DPP10: variants seen among roughly 807,000 people sequenced by gnomAD.
The protein encoded by DPP10 is dipeptidyl peptidase like 10.
DPP10 carries 33 observed loss-of-function variants against 120.9 expected under a neutral mutation model. That is an observed-to-expected ratio of 0.27 (90% confidence interval 0.21 to 0.37). The LOEUF (loss-of-function observed/expected upper bound fraction) is 0.37. DPP10 is among the 10% of genes least tolerant of loss of function. The pLI is 1.00. For synonymous variants in DPP10, 337 were observed against 326.1 expected (o/e 1.03, Z -0.36); for missense variants, 816 against 942.8 (o/e 0.87, Z 1.76).
intron 1 of DPP10, among the ~76,000 whole-genome samples, chr2:114,818,090 C>G (rs992703375): frequency 1.3e-5 from 2 of 151,940 alleles, no homozygotes; most frequent in African/African-American, 2.4e-5. Context: ...AAATTCATCA[C>G]CAAGATAACA....
intron 5 of DPP10, chr2:115,579,863 G>A (rs139040430): frequency 6.6e-6 from 1 of 151,956 alleles, no homozygotes; most frequent in Non-Finnish European, 1.5e-5. Context: ...GGAAGTGCAG[G>A]TTCATTACAT....
At chr2:115,558,502 A>G (rs2080359835) in intron 5 of DPP10, among the ~76,000 whole-genome samples, 1 of 152,190 alleles carries the variant, frequency 6.6e-6, no homozygotes, top group African/African-American at 2.4e-5. Context: ...AGGAATTAGG[A>G]TTTAATGAAT....
intron 5 of DPP10, among the ~76,000 whole-genome samples, chr2:115,535,364 T>C (rs1238880500): frequency 6.6e-6 from 1 of 151,814 alleles, no homozygotes. Context: ...ATTTATTAAA[T>C]AGGGAATCCT....
intron 1 of DPP10, among the ~76,000 whole-genome samples, chr2:115,020,525 G>T (rs981347141): frequency 6.6e-5 from 10 of 151,956 alleles, no homozygotes; most frequent in Non-Finnish European, 1.3e-4. Context: ...ATTACTACTA[G>T]ACCTAGGAAA....
chr2:115,817,734 A>G (rs1687408332), intron 21 of DPP10, among the ~76,000 whole-genome samples: 1 of 152,140 alleles, frequency 6.6e-6, no homozygotes, highest in African/African-American at 2.4e-5. Context: ...AGAAATGGAA[A>G]CCCTAGATAT....
intron 1 of DPP10, among the ~76,000 whole-genome samples, chr2:114,481,954 G>A (rs915436863): frequency 6.7e-6 from 1 of 150,030 alleles, no homozygotes; most frequent in Non-Finnish European, 1.5e-5. Flanking sequence ...GAAGAGAGGA[G>A]GAGAGGAGAG....
At chr2:115,813,305 T>C (rs1243225258) in intron 19 of DPP10, among the ~76,000 whole-genome samples, 5 of 152,190 alleles carry the variant, frequency 3.3e-5, no homozygotes, top group Admixed American at 3.3e-4. Context: ...CAAAGATCAA[T>C]GTGCCAGCAG....
chr2:114,445,619 T>TA (rs1457681371), intron 1 of DPP10, among the ~76,000 whole-genome samples: 8 of 150,848 alleles, frequency 5.3e-5, no homozygotes, highest in African/African-American at 2.0e-4. Context: ...ATGAAGTCTA[T>TA]AGTGGGTAAA....
chr2:115,609,579 C>T (rs1040245870), intron 5 of DPP10, among the ~76,000 whole-genome samples: 21 of 152,150 alleles, frequency 1.4e-4, no homozygotes, highest in African/African-American at 4.3e-4. Context: ...ATAAATACCT[C>T]TCTTCTCCCC....
chr2:115,147,671 C>T (rs950164547), intron 1 of DPP10, among the ~76,000 whole-genome samples: 3 of 151,534 alleles, frequency 2.0e-5, no homozygotes, highest in South Asian at 2.1e-4. Flanking sequence ...AGTGTGAGAC[C>T]CAAAAATATA....
At chr2:115,306,162 G>A (rs2061350863) in intron 1 of DPP10, among the ~76,000 whole-genome samples, 3 of 152,146 alleles carry the variant, frequency 2.0e-5, no homozygotes, top group African/African-American at 7.2e-5. Context: ...AGCGGAGTTG[G>A]ATTCAAACTT....
intron 1 of DPP10, among the ~76,000 whole-genome samples, chr2:115,135,457 C>T (rs944156619): frequency 3.9e-5 from 6 of 152,096 alleles, no homozygotes; most frequent in African/African-American, 1.2e-4. Context: ...CCCAGTTTTA[C>T]ATTCCATTTT....
chr2:115,814,481 T>C (rs1169738800), intron 19 of DPP10, among the ~76,000 whole-genome samples: 2 of 152,176 alleles, frequency 1.3e-5, no homozygotes, highest in African/African-American at 4.8e-5. Flanking sequence ...TCTTTAGAAA[T>C]GCCTTTGGGA....
intron 1 of DPP10, among the ~76,000 whole-genome samples, chr2:114,826,805 G>A (rs979653863): frequency 1.1e-4 from 17 of 152,188 alleles, no homozygotes; most frequent in African/African-American, 4.1e-4. Flanking sequence ...TGGGATTACA[G>A]GCGTGAGCCA....
At chr2:115,354,910 G>A (rs1191833791) in intron 3 of DPP10, among the ~76,000 whole-genome samples, 2 of 152,172 alleles carry the variant, frequency 1.3e-5, no homozygotes, top group Admixed American at 6.6e-5. Context: ...GTAGCATTCC[G>A]TGGTATATAT....
chr2:115,105,706 T>C (rs941768525), intron 1 of DPP10, among the ~76,000 whole-genome samples: 11 of 152,234 alleles, frequency 7.2e-5, no homozygotes, highest in Non-Finnish European at 1.3e-4. Context: ...TTAGAGATAA[T>C]TAACTAGGCT....
rs1313647643 is a variant in DPP10, at chr2:115,030,253, T to C, written c.61-278986T>C. Reference sequence around the variant, plus strand: ...TTAAGAATTGATGTTTGATACATTTTATTTGGTTTCTTACTTTGGTTTTCA... The same window carrying C: ...TTAAGAATTGATGTTTGATACATTTCATTTGGTTTCTTACTTTGGTTTTCA... On this transcript the variant is annotated intron_variant, in intron 1 of 25. Coordinates refer to ENST00000410059, the MANE Select transcript of DPP10 (RefSeq NM_020868.6). Among the ~76,000 whole-genome samples, 2 of 152,176 alleles carry C rather than the reference T, an allele frequency of 1.3e-5. 1 individual carries two copies. The highest frequency in any genetic ancestry group is 3.8e-4 in the East Asian group (2 of 5,196).
chr2:114,829,111 A>AC (rs1327510248), intron 1 of DPP10, among the ~76,000 whole-genome samples: 2 of 151,806 alleles, frequency 1.3e-5, no homozygotes, highest in Non-Finnish European at 2.9e-5. Flanking sequence ...AGATGGTGAA[A>AC]CCCCATCTCT....
At chr2:115,529,793 A>G (rs2078352985) in intron 5 of DPP10, among the ~76,000 whole-genome samples, 1 of 152,136 alleles carries the variant, frequency 6.6e-6, no homozygotes, top group African/African-American at 2.4e-5. Flanking sequence ...CTGTCTATGA[A>G]AAGTAAAACT....
Sources: gnomAD v4.1 joint callset for allele counts (sites outside exome capture counted in the v4.1 genomes callset) on GRCh38, gnomAD v4.1.1 for gene constraint, MANE v1.5 for transcripts, NCBI Gene and HGNC (gene_info 2026-07-23, HGNC 2026-07-21) for gene names.